Variants in LSM1 observed in about 807,000 individuals in gnomAD.
LSM1 encodes the protein U6 snRNA-associated Sm-like protein LSm1.
A neutral mutation model predicts 18.0 loss-of-function variants in LSM1; 13 were observed. That is an observed-to-expected ratio of 0.72 (90% CI 0.47 to 1.15). The LOEUF (loss-of-function observed/expected upper bound fraction) is 1.15, where lower values mean the gene tolerates loss of function less well. LSM1 is among the 50% of genes most tolerant of loss of function. The probability of loss-of-function intolerance (pLI) is 0.00; values close to 1 mark genes in which losing one functional copy is unlikely to be tolerated. For synonymous variants in LSM1, 46 were observed against 56.0 expected, an observed-to-expected ratio of 0.82 and a Z score of 0.80; for missense variants, 152 against 157.7, an observed-to-expected ratio of 0.96 and a Z score of 0.19.
intron 3 of LSM1, among the ~76,000 whole-genome samples, chr8:38,166,907 C>T (rs919990305): frequency 6.6e-5 from 10 of 152,214 alleles, no homozygotes; most frequent in African/African-American, 2.4e-4. Flanking sequence ...GCAATTCATG[C>T]TGCTGTTGCT....
intron 3 of LSM1, among the ~76,000 whole-genome samples, chr8:38,168,602 A>G (rs1028764044): frequency 6.6e-6 from 1 of 151,112 alleles, no homozygotes; most frequent in African/African-American, 2.4e-5. Flanking sequence ...AAAAAAAAAA[A>G]AAAACCCAAA....
chr8:38,163,921 A>G lies in LSM1; in HGVS notation c.232-81T>C, dbSNP rs1802883897. The G allele has an allele frequency of 4.1e-6, 5 of 1,206,708 alleles. No homozygotes were observed. In the Admixed American group the frequency reaches 7.3e-5, roughly 18 times the overall value. 74.8% of individuals were successfully genotyped at this position (1,206,708 alleles called of 1,614,324 possible). A position where few individuals can be genotyped will look rare whatever the true frequency, so the allele number is the denominator to read the frequency against. The stretch of plus-strand genomic sequence containing the variant: ...GATCTCAAGGCAAATGGATTCCTCT[A>G]TCAGGCTCAGATTATTTTTCATAAC... On this transcript the variant is annotated intron_variant, in intron 3 of 3. Coordinates refer to ENST00000311351, the MANE Select transcript of LSM1 (RefSeq NM_014462.3).
chr8:38,173,779 A>C (rs1803069330), intron 1 of LSM1, among the ~76,000 whole-genome samples: 1 of 152,250 alleles, frequency 6.6e-6, no homozygotes, highest in South Asian at 2.1e-4. Context: ...GTAAGACTGG[A>C]AAACCAAAGA....
chr8:38,175,522 T>A (rs768358686), intron 1 of LSM1, among the ~76,000 whole-genome samples: 58 of 152,290 alleles, frequency 3.8e-4, no homozygotes, highest in Non-Finnish European at 7.2e-4. Context: ...GCTTGAGGAA[T>A]AATGCACAGA....
intron 1 of LSM1, chr8:38,175,956 G>GCC (rs77263158): frequency 1.4e-4 from 39 of 286,884 alleles, no homozygotes; most frequent in African/African-American, 7.5e-4. Context: ...CGGGGGAGAA[G>GCC]CCCCCCCCCT....
Position 38,163,748 on chromosome 8 carries a change from T to G in LSM1, c.324A>C (p.Glu108Asp), listed in dbSNP as rs1802880010. ...EQRVEQQTKL[E>D]AEKLKVQALK... ...GGGCCTGCACTTTCAACTTCTCTGC[T>G]TCCAGCTTGGTCTGCTGTTCCACCC... The change falls in exon 4 of 4, where the codon GAA becomes GAC. Residue 108 changes from glutamate (E) to aspartate (D), a missense_variant. By Grantham distance (45) the Glu-to-Asp change is conservative (BLOSUM62 2). Transcript: ENST00000311351. 3 of 1,614,064 alleles carry G rather than the reference T, an allele frequency of 1.9e-6. No homozygotes were observed. The highest frequency in any genetic ancestry group is 1.7e-6 in the Non-Finnish European group (2 of 1,180,032).
At chr8:38,176,065 G>A (rs1360732974) in intron 1 of LSM1, 4 of 485,080 alleles carry the variant, frequency 8.2e-6, no homozygotes, top group Non-Finnish European at 1.5e-5. Context: ...GGCTGGCGGA[G>A]GCTGCGAGGG....
At position 38,163,489 on chromosome 8, in the gene LSM1, G is replaced by GT. The variant is rs749386169; in HGVS notation, c.*180dup. 6.2e-4 allele frequency: 335 copies of GT among 536,604 alleles called. No homozygotes were observed. The highest frequency in any genetic ancestry group is 9.6e-4 in the Non-Finnish European group (295 of 306,548). The allele number at this position is 536,604 out of a possible 1,614,324, so 33.2% of individuals were successfully genotyped here. A position where few individuals can be genotyped will look rare whatever the true frequency, so the allele number is the denominator to read the frequency against. ...CACTGTTTCTTTAAACAGTGATTTT[G>GT]TTATTAAAAAAAAAACCCACCTACA... On this transcript the variant is annotated 3_prime_UTR_variant, in exon 4 of 4. Transcript: ENST00000311351.
chr8:38,174,163 A>G (rs576613908), intron 1 of LSM1, among the ~76,000 whole-genome samples: 1 of 152,306 alleles, frequency 6.6e-6, no homozygotes, highest in African/African-American at 2.4e-5. Context: ...CAAAATGAAA[A>G]TGACTCGAGG....
At chr8:38,172,995 A>G (rs1471948168) in intron 1 of LSM1, among the ~76,000 whole-genome samples, 3 of 152,210 alleles carry the variant, frequency 2.0e-5, no homozygotes, top group African/African-American at 7.2e-5. Context: ...GATTAGGACA[A>G]TGGAATAATA....
intron 3 of LSM1, among the ~76,000 whole-genome samples, chr8:38,167,917 G>A (rs1253663693): frequency 3.3e-5 from 5 of 151,358 alleles, no homozygotes; most frequent in African/African-American, 1.2e-4. Context: ...CTACTTTACA[G>A]TCATGTAGTG....
rs1036231779 is a variant in LSM1 at position 38,163,552 on chromosome 8, TAA to T, written c.*116_*117del. On this transcript the variant is annotated 3_prime_UTR_variant, in exon 4 of 4. Transcript: ENST00000311351. The stretch of plus-strand genomic sequence containing the variant: ...GTTGCATATGTAAAATAATTAAAAA[TAA>T]AAGTGACTTTTCAAAACTCTACAGT... 4.0e-5 allele frequency: 34 copies of T among 850,414 alleles called. No individual in the cohort carries two copies. Among genetic ancestry groups the T allele is most frequent in the Non-Finnish European group, 5.5e-5 (31 of 566,098 alleles). 52.7% of individuals were successfully genotyped at this position (850,414 alleles called of 1,614,324 possible). A position where few individuals can be genotyped will look rare whatever the true frequency, so the allele number is the denominator to read the frequency against.
At chr8:38,176,686 G>C (rs1803155422), upstream of LSM1, 1 of 720,816 alleles carries the variant, frequency 1.4e-6, no homozygotes, top group Admixed American at 3.5e-5. Context: ...CGAGACCCCA[G>C]AGTCACTGAC....
intron 1 of LSM1, among the ~76,000 whole-genome samples, chr8:38,174,507 T>C (rs138240491): frequency 6.6e-6 from 1 of 152,220 alleles, no homozygotes; most frequent in Non-Finnish European, 1.5e-5. Context: ...GTCTGGAATC[T>C]ACAAAGAGGT....
intron 3 of LSM1, among the ~76,000 whole-genome samples, chr8:38,169,472 T>C (rs570318719): frequency 1.3e-5 from 2 of 152,370 alleles, no homozygotes; most frequent in South Asian, 2.1e-4. Flanking sequence ...CCTGAAATAC[T>C]GTGCATTAGC....
Position 38,172,178 on chromosome 8 carries a change from C to A in LSM1, c.47-145G>T, listed in dbSNP as rs61438198. ...AAGTTCATTGGAAAACTGAAAAAAGCAGCACAGCAACGCGGATTTAGATAA... is the reference window on the plus strand; with the variant it reads ...AAGTTCATTGGAAAACTGAAAAAAGAAGCACAGCAACGCGGATTTAGATAA... On this transcript the variant is annotated intron_variant, in intron 1 of 3. Coordinates refer to ENST00000311351, the MANE Select transcript of LSM1 (RefSeq NM_014462.3). 8.0e-3 allele frequency: 4,284 copies of A among 537,510 alleles called. 116 individuals carry two copies. Among genetic ancestry groups the A allele is most frequent in the African/African-American group, 0.074 (3,667 of 49,646 alleles). The allele number at this position is 537,510 out of a possible 1,614,324, so 33.3% of individuals were successfully genotyped here. A position where few individuals can be genotyped will look rare whatever the true frequency, so the allele number is the denominator to read the frequency against.
intron 3 of LSM1, among the ~76,000 whole-genome samples, chr8:38,165,524 A>G (rs1802913730): frequency 6.6e-6 from 1 of 151,016 alleles, no homozygotes. Flanking sequence ...CTACATATAT[A>G]CTGACTTAAA....
intron 1 of LSM1, 34 bp downstream of exon 1, chr8:38,176,241 C>G: frequency 1.9e-6 from 3 of 1,608,050 alleles, no homozygotes; most frequent in Non-Finnish European, 1.7e-6. Flanking sequence ...AGGGTCTAAC[C>G]CCGGGCTCCA....
chr8:38,163,660 G>T lies in LSM1; in HGVS notation c.*10C>A. ...TACTCTTCAAGAGCCAACAGCCTCT[G>T]GGCAAAAGATTAGTACTCATCAAGA... On this transcript the variant is annotated 3_prime_UTR_variant, in exon 4 of 4. Transcript: ENST00000311351. 1 of 1,613,554 alleles carries T rather than the reference G, an allele frequency of 6.2e-7. No individual in the cohort carries two copies. Among genetic ancestry groups the T allele is most frequent in the Non-Finnish European group, 8.5e-7 (1 of 1,179,686 alleles).
Sources: allele counts gnomAD v4.1 joint callset (sites outside exome capture counted in the v4.1 genomes callset), GRCh38; gene constraint gnomAD v4.1.1; transcripts MANE v1.5; gene names NCBI Gene and HGNC (gene_info 2026-07-23, HGNC 2026-07-21).